KMT2B: variants seen among roughly 807,000 people sequenced by gnomAD.
The protein encoded by KMT2B is histone-lysine N-methyltransferase 2B.
In KMT2B, 22 loss-of-function variants were observed where a neutral mutation model predicts 255.3. The observed-to-expected ratio is 0.09, with a 90% CI of 0.06 to 0.12. The LOEUF (loss-of-function observed/expected upper bound fraction) is 0.12, where lower values mean the gene tolerates loss of function less well. Among genes scored for constraint, KMT2B ranks in the 10% least tolerant of loss-of-function variants. KMT2B has a pLI of 1.00. For missense variants in KMT2B, 3,149 were observed against 3,737.0 expected (o/e 0.84, Z 4.10); for synonymous variants, 1,730 against 1,498.1 (o/e 1.15, Z -3.57).
chr19:35,728,177 C>G lies in KMT2B; in HGVS notation c.4571+6C>G. 6.3e-7 allele frequency: 1 copy of G among 1,583,842 alleles called. No individual in the cohort carries two copies. The highest frequency in any genetic ancestry group is 1.2e-5 in the South Asian group (1 of 86,558). The stretch of plus-strand genomic sequence containing the variant: ...CGGAGTACCCGGCTGCCAAAGTGAG[C>G]AAGGCTGGGTAGCAGAAGGGAAGCC... On this transcript the variant is annotated splice_donor_region_variant and intron_variant, in intron 19 of 36. Transcript: ENST00000420124.
Position 35,733,562 on chromosome 19 carries a change from G to T in KMT2B, c.6960-35G>T, listed in dbSNP as rs1298979496. On this transcript the variant is annotated intron_variant, in intron 28 of 36. Coordinates refer to ENST00000420124, the MANE Select transcript of KMT2B (RefSeq NM_014727.3). The surrounding 1 kb of genome is among the most constrained non-coding windows in gnomAD (Gnocchi z 4.3). ...CAGGCAAGGGGGCAGATGGGCGGGA[G>T]ATGCGGCTCATCCTTCTCGGGCTCG... is the stretch of plus-strand genomic sequence containing the variant. 21 of 1,557,510 alleles carry T rather than the reference G, an allele frequency of 1.3e-5. No homozygotes were observed. The highest frequency in any genetic ancestry group is 1.7e-4 in the Middle Eastern group (1 of 5,996).
In KMT2B at chr19:35,725,631, G is replaced by A; in HGVS notation, c.3789+6G>A. 1.2e-6 allele frequency: 2 copies of A among 1,611,756 alleles called. No homozygotes were observed. Among genetic ancestry groups the A allele is most frequent in the Non-Finnish European group, 1.7e-6 (2 of 1,179,860 alleles). On this transcript the variant is annotated splice_donor_region_variant and intron_variant, in intron 12 of 36. Coordinates refer to ENST00000420124, the MANE Select transcript of KMT2B (RefSeq NM_014727.3). The surrounding 1 kb of genome is among the most constrained non-coding windows in gnomAD (Gnocchi z 4.1). ...GCAAAGGTCGTGGATCCAAGGTTTG[G>A]GCCCAAGGGCTGGCCAGGGTGGGTG...
At chr19:35,724,882 T>G (rs1599679225) in intron 9 of KMT2B, 107 bp from the exon 10 acceptor site, 2 of 1,127,410 alleles carry the variant, frequency 1.8e-6, no homozygotes, top group Non-Finnish European at 2.6e-6. Flanking sequence ...AGCAAAGGGG[T>G]CTGGATCAGG....
In KMT2B at chr19:35,723,042, C is replaced by A. The variant is rs183764710; in HGVS notation, c.2770C>A (p.Arg924=). 3 of 1,611,146 alleles carry A rather than the reference C, an allele frequency of 1.9e-6. No individual in the cohort carries two copies. The highest frequency in any genetic ancestry group is 2.7e-5 in the African/African-American group (2 of 74,914). The change falls in exon 6 of 37, where the codon CGG becomes AGG. Residue 924 remains arginine, a synonymous_variant. Coordinates refer to ENST00000420124, the MANE Select transcript of KMT2B (RefSeq NM_014727.3). This position sits in a 1 kb window ranked among gnomAD's most constrained non-coding sequence, Gnocchi z 7.5. ...ETESVPSRSR[R]GKVEAAGPGG... ...TGAGAGTGTCCCGTCACGGTCCCGG[C>A]GGGGAAAGGTGGAGGCAGCAGGCCC...
In KMT2B at chr19:35,723,257, C is replaced by T; in HGVS notation, c.2985C>T (p.Thr995=). Residue 995 remains threonine, a synonymous_variant, in exon 6 of 37, where the codon ACC becomes ACT. Transcript: ENST00000420124. The surrounding 1 kb of genome is among the most constrained non-coding windows in gnomAD (Gnocchi z 7.5). Reference sequence around the variant, plus strand: ...AGCCCAAGTTTGGGGGCCCTAACACCAAGAAGCAGTGCTGTGTGTGAGTAG... The same window carrying T: ...AGCCCAAGTTTGGGGGCCCTAACACTAAGAAGCAGTGCTGTGTGTGAGTAG... ...LDKPKFGGPN[T]KKQCCVYRKC... is the part of the protein sequence containing the mutation. The T allele has an allele frequency of 6.2e-7, 1 of 1,613,000 alleles. No homozygotes were observed. The highest frequency in any genetic ancestry group is 8.5e-7 in the Non-Finnish European group (1 of 1,179,746).
At position 35,726,327 on chromosome 19, in the gene KMT2B, C is replaced by A. The variant is rs1969440058; in HGVS notation, c.3977C>A (p.Pro1326His). The part of the protein sequence containing the change: ...VEWSGDYSLC[P>H]RCTQLYEKGN... ...TGGTCTGGAGATTACAGCCTCTGCCCCAGGTGCACCCAGCTATATGAGAAA... is the reference window on the plus strand; with the variant it reads ...TGGTCTGGAGATTACAGCCTCTGCCACAGGTGCACCCAGCTATATGAGAAA... Residue 1326 changes from proline (P) to histidine (H), a missense_variant, in exon 14 of 37, where the codon CCC (proline) becomes CAC (histidine). This residue lies in a region of KMT2B where 377 missense variants were observed against 471.0 expected (regional missense o/e 0.80). Transcript: ENST00000420124. The A allele has an allele frequency of 6.2e-7, 1 of 1,613,254 alleles. No individual in the cohort carries two copies.
chr19:35,728,651 G>A lies in KMT2B; in HGVS notation c.4572-123G>A. ...GAGGGCCTGGCTTATTTGGTGGACT[G>A]AGAGAAATTCCACATAGAGAGGGAG... On this transcript the variant is annotated intron_variant, in intron 19 of 36. Transcript: ENST00000420124. 11 of 724,214 alleles carry A rather than the reference G, an allele frequency of 1.5e-5. No individual in the cohort carries two copies. The South Asian group carries it at 1.8e-4, about 12-fold the overall frequency. The allele number at this position is 724,214 out of a possible 1,614,324, so 44.9% of individuals were successfully genotyped here.
chr19:35,722,335 CT>C, intron 3 of KMT2B, 23 bp from the exon 4 acceptor site: 1 of 1,587,472 alleles, frequency 6.3e-7, no homozygotes, highest in South Asian at 1.1e-5. Flanking sequence ...TGTCCAGCCC[CT>C]GACCCTGTTT....
chr19:35,732,963 G>T lies in KMT2B; in HGVS notation c.6414G>T (p.Pro2138=), dbSNP rs557429530. 6 of 1,604,684 alleles carry T rather than the reference G, an allele frequency of 3.7e-6. No individual in the cohort carries two copies. The African/African-American group carries it at 6.7e-5, about 18-fold the overall frequency. Reference sequence around the variant, plus strand: ...GCCCTAGAGAGGAGTCACTCCCCCCGGCGCCTCCCCTGGCTAATGGCAGCC... The same window carrying T: ...GCCCTAGAGAGGAGTCACTCCCCCCTGCGCCTCCCCTGGCTAATGGCAGCC... ...GAGPREESLP[P]APPLANGSQP... is the part of the protein sequence containing the mutation. The change falls in exon 28 of 37, where the codon CCG becomes CCT. Residue 2138 remains proline, a synonymous_variant. Transcript: ENST00000420124.
chr19:35,727,641 G>A lies in KMT2B; in HGVS notation c.4302+19G>A, dbSNP rs756797678. The A allele has an allele frequency of 1.9e-6, 3 of 1,611,712 alleles. No homozygotes were observed. Among genetic ancestry groups the A allele is most frequent in the African/African-American group, 1.3e-5 (1 of 74,922 alleles). ...CACCCAGGTCTGGAGGGCCCTGGAG[G>A]CAGGATGGGCCGGGGCTAGGCCCAC... On this transcript the variant is annotated intron_variant, in intron 16 of 36. Coordinates refer to ENST00000420124, the MANE Select transcript of KMT2B (RefSeq NM_014727.3). This position sits in a 1 kb window ranked among gnomAD's most constrained non-coding sequence, Gnocchi z 4.2.
At position 35,732,091 on chromosome 19, in the gene KMT2B, G is replaced by A. The variant is rs1036243378; in HGVS notation, c.5621G>A (p.Arg1874Gln). 3 of 1,605,128 alleles carry A rather than the reference G, an allele frequency of 1.9e-6. No individual in the cohort carries two copies. The highest frequency in any genetic ancestry group is 2.3e-5 in the East Asian group (1 of 44,300). ...AAAGTGCCCAACTACTCGCCATCCC[G>A]GAGGCCCTTGGGGGGTGTCTCCTTT... ...RIKVPNYSPS[R>Q]RPLGGVSFGP... The change falls in exon 27 of 37, where the codon CGG becomes CAG. Residue 1874 changes from arginine to glutamine, a missense_variant. Around this residue, in one of 18 missense-constraint regions of KMT2B, gnomAD observed 897 missense variants for 825.3 expected, o/e 1.09. Transcript: ENST00000420124.
rs1969304284 is a variant in KMT2B, at chr19:35,723,573, C to T, written c.3058+71C>T. The T allele has an allele frequency of 7.1e-7, 1 of 1,412,374 alleles. No individual in the cohort carries two copies. The highest frequency in any genetic ancestry group is 1.8e-4 in the Middle Eastern group (1 of 5,570). 87.5% of individuals were successfully genotyped at this position (1,412,374 alleles called of 1,614,324 possible). ...TTGTGCTGTGGAGGGAGCTGTTTTT[C>T]TTTGCTCTCCTCCCTTGCAGCTCAC... On this transcript the variant is annotated intron_variant, in intron 7 of 36. Transcript: ENST00000420124. This position sits in a 1 kb window ranked among gnomAD's most constrained non-coding sequence, Gnocchi z 7.5.
Position 35,725,366 on chromosome 19 carries a change from G to A in KMT2B, c.3642+33G>A. The A allele has an allele frequency of 6.4e-7, 1 of 1,560,740 alleles. No homozygotes were observed. Among genetic ancestry groups the A allele is most frequent in the Non-Finnish European group, 8.7e-7 (1 of 1,152,788 alleles). ...CTCTGCCTTTCTTCACAGACCCCCA[G>A]CTCTCTGTCGGTCCTCACGGCCTGA... On this transcript the variant is annotated intron_variant, in intron 11 of 36. Coordinates refer to ENST00000420124, the MANE Select transcript of KMT2B (RefSeq NM_014727.3). This position sits in a 1 kb window ranked among gnomAD's most constrained non-coding sequence, Gnocchi z 4.1.
At position 35,721,258 on chromosome 19, in the gene KMT2B, T is replaced by C. The variant is rs533982884; in HGVS notation, c.1911T>C (p.Pro637=). The C allele has an allele frequency of 1.5e-3, 1,440 of 984,950 alleles. 9 individuals carry two copies. The African/African-American group carries it at 0.037, about 25-fold the overall frequency. The allele number at this position is 984,950 out of a possible 1,614,324, so 61.0% of individuals were successfully genotyped here. Residue 637 remains proline, a synonymous_variant, in exon 3 of 37, where the codon CCT becomes CCC. Coordinates refer to ENST00000420124, the MANE Select transcript of KMT2B (RefSeq NM_014727.3). The part of the protein sequence containing the change: ...PPPAPSPPPA[P]ATSSRRPLLL... ...CGGCCCCCTCCCCACCCCCTGCTCC[T>C]GCCACCTCCTCCCGGAGGCCCCTAC...
Position 35,738,639 on chromosome 19 carries a change from C to A in KMT2B, c.*82C>A. On this transcript the variant is annotated 3_prime_UTR_variant, in exon 37 of 37. Coordinates refer to ENST00000420124, the MANE Select transcript of KMT2B (RefSeq NM_014727.3). The surrounding 1 kb of genome is among the most constrained non-coding windows in gnomAD (Gnocchi z 8.7). ...GCCCCTAGCCTGGGGGCTCCCTAGC[C>A]CCTCCCAGAGCATCTCACCCCCACC... 6.8e-7 allele frequency: 1 copy of A among 1,461,326 alleles called. No homozygotes were observed. The highest frequency in any genetic ancestry group is 9.2e-7 in the Non-Finnish European group (1 of 1,083,782). 90.5% of individuals were successfully genotyped at this position (1,461,326 alleles called of 1,614,324 possible).
rs1969302690 is a variant in KMT2B, at chr19:35,723,531, C to T, written c.3058+29C>T. The stretch of plus-strand genomic sequence containing the variant: ...ACGAGCTTTAAGGAGCATTTCTTCT[C>T]AAAACCGTGTTAGAGTTTGTGCTGT... On this transcript the variant is annotated intron_variant, in intron 7 of 36. Coordinates refer to ENST00000420124, the MANE Select transcript of KMT2B (RefSeq NM_014727.3). The surrounding 1 kb of genome is among the most constrained non-coding windows in gnomAD (Gnocchi z 7.5). 1.9e-6 allele frequency: 3 copies of T among 1,549,632 alleles called. No homozygotes were observed. The highest frequency in any genetic ancestry group is 2.6e-6 in the Non-Finnish European group (3 of 1,145,826).
Position 35,723,936 on chromosome 19 carries a change from T to C in KMT2B, c.3263T>C (p.Ile1088Thr). ...GTCAAACAGCGACCCTCCTATGATA[T>C]CTTCGAGGATTCGGATGACTCGGAG... ...RCVKQRPSYDIFEDSDDSEPG... is the reference protein window; with the variant it reads ...RCVKQRPSYDTFEDSDDSEPG... The change falls in exon 8 of 37, where the codon ATC becomes ACC. Residue 1088 changes from isoleucine (I) to threonine (T), a missense_variant. Transcript: ENST00000420124. The surrounding 1 kb of genome is among the most constrained non-coding windows in gnomAD (Gnocchi z 7.5). The C allele has an allele frequency of 6.2e-7, 1 of 1,612,078 alleles. No individual in the cohort carries two copies. Among genetic ancestry groups the C allele is most frequent in the Non-Finnish European group, 8.5e-7 (1 of 1,179,368 alleles).
At position 35,737,972 on chromosome 19, in the gene KMT2B, T is replaced by A; in HGVS notation, c.7742+30T>A. The A allele has an allele frequency of 6.2e-7, 1 of 1,607,064 alleles. No individual in the cohort carries two copies. The highest frequency in any genetic ancestry group is 1.1e-5 in the South Asian group (1 of 90,110). ...GTGGGGTTGGGGGGGAGGATGCCCC[T>A]TGGGTGGACGGACAGGTGCACTGGG... On this transcript the variant is annotated intron_variant, in intron 35 of 36. Coordinates refer to ENST00000420124, the MANE Select transcript of KMT2B (RefSeq NM_014727.3). This position sits in a 1 kb window ranked among gnomAD's most constrained non-coding sequence, Gnocchi z 5.3.
At position 35,732,446 on chromosome 19, in the gene KMT2B, C is replaced by T. The variant is rs201138169; in HGVS notation, c.5897C>T (p.Ser1966Phe). 6.0e-5 allele frequency: 97 copies of T among 1,613,658 alleles called. No individual in the cohort carries two copies. The highest frequency in any genetic ancestry group is 7.5e-5 in the Non-Finnish European group (89 of 1,179,798). ...GELAPPGPAPSPPPPEDLGPD... is the reference protein window; with the variant it reads ...GELAPPGPAPFPPPPEDLGPD... The stretch of plus-strand genomic sequence containing the variant: ...CTGGCTCCCCCTGGCCCGGCCCCAT[C>T]TCCACCACCCCCTGAAGACCTGGGC... The change falls in exon 28 of 37, where the codon TCT becomes TTT. Residue 1966 changes from serine to phenylalanine, a missense_variant. This residue lies in a region of KMT2B where 897 missense variants were observed against 825.3 expected (regional missense o/e 1.09). Coordinates refer to ENST00000420124, the MANE Select transcript of KMT2B (RefSeq NM_014727.3).
Sources: allele counts gnomAD v4.1 joint callset, GRCh38; gene constraint gnomAD v4.1.1; regional missense constraint gnomAD v4.1.1; non-coding constraint Gnocchi (gnomAD v3.1); transcripts MANE v1.5; gene names NCBI Gene and HGNC (gene_info 2026-07-23, HGNC 2026-07-21).